LRP1: variants seen among roughly 807,000 people sequenced by gnomAD.
The protein encoded by LRP1 is prolow-density lipoprotein receptor-related protein 1.
In LRP1, 51 loss-of-function variants were observed where a neutral mutation model predicts 541.5. That is an observed-to-expected ratio of 0.09 (90% CI 0.08 to 0.12). The LOEUF (loss-of-function observed/expected upper bound fraction) is 0.12, where lower values mean the gene tolerates loss of function less well. LRP1 is among the 10% of genes least tolerant of loss of function. The pLI, the probability that LRP1 is intolerant of heterozygous loss-of-function variation, is 1.00. For missense variants in LRP1, 3,878 were observed against 6,376.2 expected (o/e 0.61, Z 13.34); for synonymous variants, 2,219 against 2,470.8 (o/e 0.90, Z 3.02).
Position 57,162,224 on chromosome 12 carries a change from C to A in LRP1, c.2203-93C>A. ...GGGGAAACAAAGCAAAACCCATGCC[C>A]AGGACATAGACAAATGAATGTACAA... is the stretch of plus-strand genomic sequence containing the variant. On this transcript the variant is annotated intron_variant, in intron 13 of 88. Coordinates refer to ENST00000243077, the MANE Select transcript of LRP1 (RefSeq NM_002332.3). This position sits in a 1 kb window ranked among gnomAD's most constrained non-coding sequence, Gnocchi z 5.2. The A allele has an allele frequency of 8.9e-7, 1 of 1,128,450 alleles. No homozygotes were observed. Among genetic ancestry groups the A allele is most frequent in the South Asian group, 1.2e-5 (1 of 80,406 alleles). 69.9% of individuals were successfully genotyped at this position (1,128,450 alleles called of 1,614,324 possible). A position where few individuals can be genotyped will look rare whatever the true frequency, so the allele number is the denominator to read the frequency against.
At chr12:57,153,828 A>G (rs1468022063) in intron 6 of LRP1, among the ~76,000 whole-genome samples, 1 of 152,086 alleles carries the variant, frequency 6.6e-6, no homozygotes, top group Non-Finnish European at 1.5e-5. Context: ...TTTACTGTAG[A>G]TGGTAGATAA....
At position 57,193,639 on chromosome 12, in the gene LRP1, C is replaced by T. The variant is rs377443144; in HGVS notation, c.7758C>T (p.Asn2586=). ...GTGTGTCCAACATGCTGTGGTGCAA[C>T]GGGGCCGACGACTGTGGGGATGGCT... The part of the protein sequence containing the change: ...GRCVSNMLWC[N]GADDCGDGSD... Residue 2586 remains asparagine (N), a synonymous_variant, in exon 47 of 89, where the codon AAC becomes AAT. Coordinates refer to ENST00000243077, the MANE Select transcript of LRP1 (RefSeq NM_002332.3). 177 of 1,614,048 alleles carry T rather than the reference C, an allele frequency of 1.1e-4. No homozygotes were observed. Among genetic ancestry groups the T allele is most frequent in the Non-Finnish European group, 1.3e-4 (155 of 1,180,030 alleles).
At position 57,166,064 on chromosome 12, in the gene LRP1, C is replaced by T. The variant is rs933542537; in HGVS notation, c.2672-20C>T. On this transcript the variant is annotated intron_variant, in intron 16 of 88. Transcript: ENST00000243077. ...GGGGCACCCAACTTCTCGCTGACCC[C>T]TGACTCATTCCCTCCCCAGATCAGC... 14 of 1,614,032 alleles carry T rather than the reference C, an allele frequency of 8.7e-6. No individual in the cohort carries two copies. Among genetic ancestry groups the T allele is most frequent in the African/African-American group, 2.7e-5 (2 of 74,950 alleles).
chr12:57,138,821 T>G (rs1293868349), intron 2 of LRP1, among the ~76,000 whole-genome samples: 1 of 152,188 alleles, frequency 6.6e-6, no homozygotes, highest in Non-Finnish European at 1.5e-5. Flanking sequence ...CCCAAGACAG[T>G]GTTCTCTGGG....
Position 57,210,784 on chromosome 12 carries a change from G to A in LRP1, c.12821G>A (p.Gly4274Asp), listed in dbSNP as rs1323780072. 2 of 1,613,502 alleles carry A rather than the reference G, an allele frequency of 1.2e-6. No individual in the cohort carries two copies. Among genetic ancestry groups the A allele is most frequent in the Non-Finnish European group, 1.7e-6 (2 of 1,179,860 alleles). ...AAATGCACCCAGCAGGTGTGTGCGG[G>A]CTACTGTGCCAACAACAGCACCTGC... is the stretch of plus-strand genomic sequence containing the variant. ...GPKCTQQVCA[G>D]YCANNSTCTV... The change falls in exon 83 of 89, where the codon GGC becomes GAC. Residue 4274 changes from glycine to aspartate, a missense_variant. By Grantham distance (94) the Gly-to-Asp change is moderately conservative. This residue lies in a region of LRP1 where 871 missense variants were observed against 1,212.4 expected (regional missense o/e 0.72). Coordinates refer to ENST00000243077, the MANE Select transcript of LRP1 (RefSeq NM_002332.3).
chr12:57,195,958 G>C lies in LRP1; in HGVS notation c.8656G>C (p.Asp2886His). 1 of 1,613,402 alleles carries C rather than the reference G, an allele frequency of 6.2e-7. No individual in the cohort carries two copies. Among genetic ancestry groups the C allele is most frequent in the Non-Finnish European group, 8.5e-7 (1 of 1,180,022 alleles). ...GTGTGATGGCGAGAATGACTGCCAC[G>C]ACCAGAGTGACGAGGCTCCCAAGAA... ...WECDGENDCH[D>H]QSDEAPKNPH... The change falls in exon 54 of 89, where the codon GAC (aspartate) becomes CAC (histidine). Residue 2886 changes from aspartate (D) to histidine (H), a missense_variant. By Grantham distance (81) the Asp-to-His change is moderately conservative. Transcript: ENST00000243077.
Position 57,175,599 on chromosome 12 carries a change from G to A in LRP1, c.3687G>A (p.Lys1229=), listed in dbSNP as rs1265913212. The change falls in exon 23 of 89, where the codon AAG becomes AAA. Residue 1229 remains lysine (K), a synonymous_variant. Transcript: ENST00000243077. ...GCCAGATCCAGAGCTACTGTGCCAA[G>A]CATCTCAAATGCAGCCAAAAGTGCG... ...HTCQIQSYCA[K]HLKCSQKCDQ... 2 of 1,613,672 alleles carry A rather than the reference G, an allele frequency of 1.2e-6. No individual in the cohort carries two copies.
rs778489217 is a variant in LRP1, at chr12:57,161,054, A to T, written c.2141A>T (p.Tyr714Phe). ...CTGGACATCCCGGCTGGGCGCCTCT[A>T]CTGGGTGGATGCCTTCTACGACCGC... ...LSLDIPAGRL[Y>F]WVDAFYDRIE... Residue 714 changes from tyrosine (Y) to phenylalanine (F), a missense_variant, in exon 13 of 89, where the codon TAC (tyrosine) becomes TTC (phenylalanine). By Grantham distance (22) the Tyr-to-Phe change is conservative. Coordinates refer to ENST00000243077, the MANE Select transcript of LRP1 (RefSeq NM_002332.3). 2.9e-5 allele frequency: 47 copies of T among 1,613,706 alleles called. No individual in the cohort carries two copies. Among genetic ancestry groups the T allele is most frequent in the Non-Finnish European group, 3.7e-5 (44 of 1,180,006 alleles).
intron 15 of LRP1, chr12:57,164,863 G>C (rs1372238589): frequency 6.6e-6 from 1 of 152,214 alleles, no homozygotes; most frequent in East Asian, 1.9e-4. Flanking sequence ...AGAGGGTTAA[G>C]GAATGGAGGG....
chr12:57,186,646 G>A (rs1285723321), intron 41 of LRP1, among the ~76,000 whole-genome samples: 1 of 152,126 alleles, frequency 6.6e-6, no homozygotes, highest in Non-Finnish European at 1.5e-5. Context: ...AGCTAAACTC[G>A]GTACTCCATG....
chr12:57,160,263 C>T (rs1311612043), intron 12 of LRP1, among the ~76,000 whole-genome samples: 1 of 152,136 alleles, frequency 6.6e-6, no homozygotes, highest in Non-Finnish European at 1.5e-5. Flanking sequence ...ATGAGGCCCA[C>T]GTTCTTGTCA....
At position 57,180,733 on chromosome 12, in the gene LRP1, C is replaced by T. The variant is rs779355929; in HGVS notation, c.5453C>T (p.Ser1818Leu). ...KMGTCSKADG[S>L]GSVVLRNSTT... The stretch of plus-strand genomic sequence containing the variant: ...GGCACATGCAGCAAGGCTGACGGCT[C>T]GGGCTCCGTGGTCCTTCGGAACAGC... The change falls in exon 33 of 89, where the codon TCG becomes TTG. Residue 1818 changes from serine to leucine, a missense_variant. Physicochemically the swap from Ser to Leu is moderately radical, Grantham distance 145. Transcript: ENST00000243077. 13 of 1,613,952 alleles carry T rather than the reference C, an allele frequency of 8.1e-6. No individual in the cohort carries two copies. Among genetic ancestry groups the T allele is most frequent in the African/African-American group, 4.0e-5 (3 of 74,942 alleles).
Position 57,212,528 on chromosome 12 carries a change from G to T in LRP1, c.13608G>T (p.Glu4536Asp), listed in dbSNP as rs745977830. The change falls in exon 89 of 89, where the codon GAG (glutamate) becomes GAT (aspartate). Residue 4536 changes from glutamate to aspartate, a missense_variant. Transcript: ENST00000243077. The surrounding 1 kb of genome is among the most constrained non-coding windows in gnomAD (Gnocchi z 5.0). ...EKRELLGRGP[E>D]DEIGDPLA The stretch of plus-strand genomic sequence containing the variant: ...GAGAACTCCTGGGCCGGGGCCCTGA[G>T]GACGAGATAGGGGACCCCTTGGCAT... 3.1e-6 allele frequency: 5 copies of T among 1,612,694 alleles called. No individual in the cohort carries two copies. The East Asian group carries it at 1.1e-4, about 36-fold the overall frequency.
chr12:57,181,377 C>T (rs535719309), intron 34 of LRP1, 86 bp downstream of exon 34: 3 of 1,488,506 alleles, frequency 2.0e-6, no homozygotes, highest in African/African-American at 2.8e-5. Flanking sequence ...CCTCTTCTTA[C>T]CTTGGGGACA....
intron 6 of LRP1, chr12:57,149,335 AT>A (rs1326740791): frequency 4.4e-6 from 2 of 449,620 alleles, no homozygotes; most frequent in African/African-American, 4.0e-5. Flanking sequence ...TTTCCTAATC[AT>A]TTAACAGCTC....
rs955642940 is a variant in LRP1 at position 57,162,253 on chromosome 12, A to G, written c.2203-64A>G. The stretch of plus-strand genomic sequence containing the variant: ...ACATAGACAAATGAATGTACAAAAC[A>G]GTGATCTCACAGGCCTCCCTCAATT... On this transcript the variant is annotated intron_variant, in intron 13 of 88. Transcript: ENST00000243077. This position sits in a 1 kb window ranked among gnomAD's most constrained non-coding sequence, Gnocchi z 5.2. 3 of 1,330,204 alleles carry G rather than the reference A, an allele frequency of 2.3e-6. No homozygotes were observed. In the African/African-American group the frequency reaches 4.3e-5, roughly 19 times the overall value. The allele number at this position is 1,330,204 out of a possible 1,614,324, so 82.4% of individuals were successfully genotyped here.
At position 57,202,541 on chromosome 12, in the gene LRP1, C is replaced by CGGGGGGGG; in HGVS notation, c.10711+5_10711+6insGGGGGGGG. 4 of 1,562,786 alleles carry CGGGGGGGG rather than the reference C, an allele frequency of 2.6e-6. No homozygotes were observed. The highest frequency in any genetic ancestry group is 2.6e-6 in the Non-Finnish European group (3 of 1,152,392). On this transcript the variant is annotated splice_donor_region_variant and intron_variant, in intron 68 of 88. Transcript: ENST00000243077. ...AACTCCGATGAAGAGAGCTGCAGTA[C>CGGGGGGGG]GTCCCCACCCACCCAGCCCCGCATG... is the stretch of plus-strand genomic sequence containing the variant.
In LRP1 at chr12:57,192,718, G is replaced by A. The variant is rs1800185; in HGVS notation, c.7430-127G>A. 9,277 of 1,329,684 alleles carry A rather than the reference G, an allele frequency of 7.0e-3. 341 individuals carry two copies. The East Asian group carries it at 0.092, about 13-fold the overall frequency. The allele number at this position is 1,329,684 out of a possible 1,614,324, so 82.4% of individuals were successfully genotyped here. A position where few individuals can be genotyped will look rare whatever the true frequency, so the allele number is the denominator to read the frequency against. On this transcript the variant is annotated intron_variant, in intron 44 of 88. Transcript: ENST00000243077. ...ATGCCCTCCCCACTGGCTGCAAGCCGCTGTGCCTGCCGTGACTGAGCAGAG... is the reference window on the plus strand; with the variant it reads ...ATGCCCTCCCCACTGGCTGCAAGCCACTGTGCCTGCCGTGACTGAGCAGAG...
intron 6 of LRP1, chr12:57,150,189 CTTT>C (rs769778868): frequency 1.2e-4 from 11 of 92,912 alleles, no homozygotes; most frequent in African/African-American, 4.1e-4. Context: ...AAACTTCCTT[CTTT>C]TTTTTTTTTT....
Sources: allele counts gnomAD v4.1 joint callset (sites outside exome capture counted in the v4.1 genomes callset), GRCh38; gene constraint gnomAD v4.1.1; regional missense constraint gnomAD v4.1.1; non-coding constraint Gnocchi (gnomAD v3.1); transcripts MANE v1.5; gene names NCBI Gene and HGNC (gene_info 2026-07-23, HGNC 2026-07-21).